KCTD3: variants seen among roughly 807,000 people sequenced by gnomAD.
The protein encoded by KCTD3 is BTB/POZ domain-containing protein KCTD3.
In KCTD3, 41 loss-of-function variants were observed where a neutral mutation model predicts 85.8. That is an observed-to-expected ratio of 0.48 (90% CI 0.37 to 0.62). KCTD3 has a LOEUF of 0.62. KCTD3 is among the 20% of genes least tolerant of loss of function. The pLI, the probability that KCTD3 is intolerant of heterozygous loss-of-function variation, is 0.00. For missense variants in KCTD3, 724 were observed against 989.9 expected (o/e 0.73, Z 3.60); for synonymous variants, 338 against 345.4 (o/e 0.98, Z 0.24).
intron 9 of KCTD3, among the ~76,000 whole-genome samples, chr1:215,593,736 T>G (rs113981989): frequency 3.7e-4 from 57 of 152,144 alleles, no homozygotes; most frequent in African/African-American, 1.3e-3. Flanking sequence ...AAGATCTACA[T>G]AAAACAGTAT....
intron 10 of KCTD3, among the ~76,000 whole-genome samples, chr1:215,601,237 A>G (rs1571890992): frequency 6.9e-6 from 1 of 145,660 alleles, no homozygotes; most frequent in Non-Finnish European, 1.5e-5. Flanking sequence ...TTTGTAAACT[A>G]GATTGATTTT....
At chr1:215,579,496 A>G (rs1426750965) in intron 7 of KCTD3, among the ~76,000 whole-genome samples, 2 of 151,094 alleles carry the variant, frequency 1.3e-5, no homozygotes, top group Non-Finnish European at 2.9e-5. Context: ...TTCTAACAAA[A>G]CTATTTTTTT....
intron 10 of KCTD3, among the ~76,000 whole-genome samples, chr1:215,601,002 A>G (rs1407742929): frequency 6.6e-6 from 1 of 152,050 alleles, no homozygotes; most frequent in African/African-American, 2.4e-5. Context: ...CAGTGGCACA[A>G]TCCCCGCTCA....
intron 9 of KCTD3, among the ~76,000 whole-genome samples, chr1:215,594,942 G>A (rs1422959850): frequency 1.3e-5 from 2 of 151,938 alleles, no homozygotes; most frequent in African/African-American, 4.8e-5. Context: ...CTTAAATATC[G>A]GGTCCATGAG....
In KCTD3 at chr1:215,599,917, A is replaced by T. The variant is rs201370604; in HGVS notation, c.934-1950A>T. On this transcript the variant is annotated intron_variant, in intron 10 of 17. Coordinates refer to ENST00000259154, the MANE Select transcript of KCTD3 (RefSeq NM_016121.5). ...GAAAAAAAAAAAAAAAAAAGAATGT[A>T]TCCAAAGGGAGAAGAATCTCATGGC... is the stretch of plus-strand genomic sequence containing the variant. Among the ~76,000 whole-genome samples, 55 of 151,136 alleles carry T rather than the reference A, an allele frequency of 3.6e-4. 1 individual carries two copies. The East Asian group carries it at 0.011, about 29-fold the overall frequency.
At chr1:215,591,080 C>T (rs1008833639) in intron 9 of KCTD3, among the ~76,000 whole-genome samples, 5 of 151,996 alleles carry the variant, frequency 3.3e-5, no homozygotes, top group African/African-American at 1.2e-4. Flanking sequence ...TAAGATGTTG[C>T]TTTTCTGGAA....
intron 10 of KCTD3, among the ~76,000 whole-genome samples, chr1:215,599,683 G>A (rs1654755969): frequency 6.6e-6 from 1 of 152,100 alleles, no homozygotes; most frequent in Non-Finnish European, 1.5e-5. Flanking sequence ...CTCAGCAGTT[G>A]TAACTCACTG....
intron 15 of KCTD3, among the ~76,000 whole-genome samples, chr1:215,616,446 A>AACC (rs1410187327): frequency 1.3e-5 from 2 of 151,902 alleles, no homozygotes; most frequent in South Asian, 4.1e-4. Flanking sequence ...AATTCTTTCA[A>AACC]ACTTTATATT....
chr1:215,586,884 C>T (rs182946143), intron 9 of KCTD3, among the ~76,000 whole-genome samples, 199 bp downstream of exon 9: 275 of 152,244 alleles, frequency 1.8e-3, no homozygotes, highest in Middle Eastern at 6.8e-3. Flanking sequence ...CTTTTCACCA[C>T]TTTAAGTGAA....
chr1:215,613,935 G>A (rs1337163818), intron 15 of KCTD3, among the ~76,000 whole-genome samples: 2 of 149,914 alleles, frequency 1.3e-5, no homozygotes, highest in South Asian at 2.1e-4. Flanking sequence ...GTAGTGTGAC[G>A]TCTCTGGCTT....
chr1:215,601,809 C>T (rs1229470720), intron 10 of KCTD3, 58 bp from the exon 11 acceptor site: 3 of 1,030,226 alleles, frequency 2.9e-6, no homozygotes, highest in Middle Eastern at 2.6e-4. Flanking sequence ...AGGAAATTGA[C>T]CAGAAAATAG....
At chr1:215,596,291 A>G (rs1234992699) in intron 10 of KCTD3, among the ~76,000 whole-genome samples, 1 of 152,162 alleles carries the variant, frequency 6.6e-6, no homozygotes, top group Non-Finnish European at 1.5e-5. Context: ...AGATTGATTA[A>G]TATGTTTACT....
chr1:215,617,255 A>G (rs1655490573), intron 15 of KCTD3, among the ~76,000 whole-genome samples: 1 of 152,178 alleles, frequency 6.6e-6, no homozygotes, highest in Admixed American at 6.5e-5. Flanking sequence ...GAGCCACTCT[A>G]GCAAATTAGT....
intron 10 of KCTD3, among the ~76,000 whole-genome samples, chr1:215,600,180 T>A (rs912358879): frequency 3.3e-5 from 5 of 152,344 alleles, no homozygotes; most frequent in Middle Eastern, 3.4e-3. Context: ...GACCTCAGGA[T>A]AGGGCATGAT....
chr1:215,573,850 T>A lies in KCTD3; in HGVS notation c.137+11T>A. On this transcript the variant is annotated intron_variant, in intron 2 of 17. Transcript: ENST00000259154. ...TTCTTTTTTTTCCAGGTATGTCTTA[T>A]AATTCTTTAGTGTATATTTTAATAC... 2 of 1,485,714 alleles carry A rather than the reference T, an allele frequency of 1.3e-6. No individual in the cohort carries two copies. The highest frequency in any genetic ancestry group is 9.3e-7 in the Non-Finnish European group (1 of 1,071,842). The allele number at this position is 1,485,714 out of a possible 1,614,324, so 92.0% of individuals were successfully genotyped here.
chr1:215,588,297 A>G (rs1174072053), intron 9 of KCTD3, among the ~76,000 whole-genome samples: 4 of 152,070 alleles, frequency 2.6e-5, no homozygotes, highest in African/African-American at 9.7e-5. Flanking sequence ...ATATTAAGAT[A>G]TATAGTTGAA....
intron 10 of KCTD3, among the ~76,000 whole-genome samples, chr1:215,596,668 G>C (rs1009774558): frequency 6.6e-6 from 1 of 152,034 alleles, no homozygotes; most frequent in South Asian, 2.1e-4. Flanking sequence ...AGAGAAGAGA[G>C]ACAGCAAATT....
chr1:215,613,633 G>GT (rs1266602525), intron 15 of KCTD3, among the ~76,000 whole-genome samples: 2 of 152,082 alleles, frequency 1.3e-5, no homozygotes, highest in Non-Finnish European at 2.9e-5. Flanking sequence ...ACAGTTTTAG[G>GT]TTTTACATTT....
chr1:215,599,952 C>G (rs578221763), intron 10 of KCTD3, among the ~76,000 whole-genome samples: 1 of 151,168 alleles, frequency 6.6e-6, no homozygotes, highest in African/African-American at 2.4e-5. Flanking sequence ...CCTTATCTGT[C>G]CCCATTTTCC....
Sources: allele counts gnomAD v4.1 joint callset (sites outside exome capture counted in the v4.1 genomes callset), GRCh38; gene constraint gnomAD v4.1.1; transcripts MANE v1.5; gene names NCBI Gene and HGNC (gene_info 2026-07-23, HGNC 2026-07-21).